The following KCNIP4 variants were observed in gnomAD, a reference collection of about 807,000 sequenced individuals.
The protein encoded by KCNIP4 is potassium voltage-gated channel interacting protein 4, also known as Kv channel-interacting protein 4.
In KCNIP4, 12 loss-of-function variants were observed where a neutral mutation model predicts 34.0. That is an observed-to-expected ratio of 0.35 (90% CI 0.23 to 0.57). The LOEUF (loss-of-function observed/expected upper bound fraction) is 0.57, where lower values mean the gene tolerates loss of function less well. KCNIP4 is among the 20% of genes least tolerant of loss of function. The pLI, the probability that KCNIP4 is intolerant of heterozygous loss-of-function variation, is 0.83. For missense variants in KCNIP4, 238 were observed against 311.7 expected, an observed-to-expected ratio of 0.76 and a Z score of 1.78; for synonymous variants, 124 against 102.2, an observed-to-expected ratio of 1.21 and a Z score of -1.29.
intron 1 of KCNIP4, among the ~76,000 whole-genome samples, chr4:21,416,089 A>G (rs1724932582): frequency 6.6e-6 from 1 of 152,258 alleles, no homozygotes; most frequent in African/African-American, 2.4e-5. Context: ...TAAGAAAAGC[A>G]GTTGCTTTAG....
At chr4:21,268,519 T>C (rs1040068585) in intron 1 of KCNIP4, among the ~76,000 whole-genome samples, 3 of 152,176 alleles carry the variant, frequency 2.0e-5, no homozygotes, top group African/African-American at 7.2e-5. Context: ...TTGCAGACAG[T>C]GTTCACTGAC....
At chr4:20,898,444 G>T (rs1726797379) in intron 1 of KCNIP4, among the ~76,000 whole-genome samples, 1 of 152,044 alleles carries the variant, frequency 6.6e-6, no homozygotes, top group South Asian at 2.1e-4. Flanking sequence ...TGAATGAAGG[G>T]GATATTATTA....
chr4:21,925,726 ACTTT>A (rs1729206473), intron 1 of KCNIP4, among the ~76,000 whole-genome samples: 1 of 152,128 alleles, frequency 6.6e-6, no homozygotes, highest in African/African-American at 2.4e-5. Flanking sequence ...ACAACCATGA[ACTTT>A]CTTTGGTAAT....
chr4:21,367,472 T>TCCACTGTAGAATAA (rs1578135561), intron 1 of KCNIP4, among the ~76,000 whole-genome samples: 1 of 148,494 alleles, frequency 6.7e-6, no homozygotes, highest in African/African-American at 2.6e-5. Flanking sequence ...AGACTCTACC[T>TCCACTGTAGAATAA]AACTGGACAT....
chr4:21,407,948 T>C (rs1170659369), intron 1 of KCNIP4, among the ~76,000 whole-genome samples: 1 of 152,186 alleles, frequency 6.6e-6, no homozygotes, highest in African/African-American at 2.4e-5. Context: ...TTGGCCAAAC[T>C]GATCAATATC....
chr4:21,328,152 A>G (rs1239871989), intron 1 of KCNIP4, among the ~76,000 whole-genome samples: 1 of 151,942 alleles, frequency 6.6e-6, no homozygotes, highest in Admixed American at 6.6e-5. Flanking sequence ...ACAGTTAGGT[A>G]TTTATTGTAG....
At chr4:21,229,043 G>T (rs1361505078) in intron 1 of KCNIP4, among the ~76,000 whole-genome samples, 2 of 152,124 alleles carry the variant, frequency 1.3e-5, no homozygotes, top group African/African-American at 2.4e-5. Flanking sequence ...GAATCCATTT[G>T]CAATGCTGCA....
At chr4:21,191,743 A>G (rs2109349454) in intron 1 of KCNIP4, among the ~76,000 whole-genome samples, 1 of 152,330 alleles carries the variant, frequency 6.6e-6, no homozygotes, top group Admixed American at 6.5e-5. Context: ...AGAAAGGCTG[A>G]GTTATTCCAA....
chr4:21,210,120 T>C (rs893737591), intron 1 of KCNIP4, among the ~76,000 whole-genome samples: 2 of 152,222 alleles, frequency 1.3e-5, no homozygotes. Context: ...AGGAAGCAAC[T>C]ATATTGCAGT....
In KCNIP4 at chr4:20,730,039, A is replaced by G. The variant is rs765980634; in HGVS notation, c.*43T>C. 8 of 1,587,456 alleles carry G rather than the reference A, an allele frequency of 5.0e-6. No homozygotes were observed. In the Admixed American group the frequency reaches 1.1e-4, roughly 22 times the overall value. ...TAGCTCCAACTTTAAGGGTGGTAGA[A>G]TAGTTCACATTTGTCTGTTGGATTC... On this transcript the variant is annotated 3_prime_UTR_variant, in exon 9 of 9. Coordinates refer to ENST00000382152, the MANE Select transcript of KCNIP4 (RefSeq NM_025221.6).
intron 1 of KCNIP4, among the ~76,000 whole-genome samples, chr4:21,535,216 A>T (rs189299769): frequency 9.2e-5 from 14 of 152,352 alleles, no homozygotes; most frequent in Non-Finnish European, 1.8e-4. Context: ...AAGTTTAAAG[A>T]GCCAAAATCT....
chr4:21,035,008 G>A (rs371073594), intron 1 of KCNIP4, among the ~76,000 whole-genome samples: 28 of 152,278 alleles, frequency 1.8e-4, no homozygotes, highest in African/African-American at 5.3e-4. Flanking sequence ...CAGCATGATT[G>A]ATAAGACAAC....
rs190459343 is a variant in KCNIP4 at position 21,774,714 on chromosome 4, C to A, written c.61+173857G>T. On this transcript the variant is annotated intron_variant, in intron 1 of 8. Transcript: ENST00000382152. ...AAGGTAGTCTTCAATCTCTGATATC[C>A]TTTCCTCCACTTGATCAATTCATCT... 2.6e-5 allele frequency among the ~76,000 whole-genome samples: 4 copies of A among 152,214 alleles called. No individual in the cohort carries two copies. The East Asian group carries it at 5.8e-4, about 22-fold the overall frequency.
intron 1 of KCNIP4, among the ~76,000 whole-genome samples, chr4:20,914,524 T>C (rs1728623339): frequency 6.6e-6 from 1 of 152,120 alleles, no homozygotes; most frequent in Non-Finnish European, 1.5e-5. Context: ...GGGAAATAAA[T>C]TTCTGTTGTT....
intron 1 of KCNIP4, among the ~76,000 whole-genome samples, chr4:21,418,093 ATAACT>A (rs1725129120): frequency 6.6e-6 from 1 of 152,142 alleles, no homozygotes; most frequent in African/African-American, 2.4e-5. Flanking sequence ...CTGTAGCCAG[ATAACT>A]TAAGTCTGAA....
intron 1 of KCNIP4, among the ~76,000 whole-genome samples, chr4:21,071,676 G>T (rs1577638927): frequency 6.6e-6 from 1 of 151,800 alleles, no homozygotes; most frequent in Admixed American, 6.6e-5. Flanking sequence ...AAGTTTTGGG[G>T]TACATGTGCA....
intron 7 of KCNIP4, 46 bp downstream of exon 7, chr4:20,732,635 T>C (rs755003603): frequency 7.8e-7 from 1 of 1,276,698 alleles, no homozygotes; most frequent in African/African-American, 1.5e-5. Flanking sequence ...CATCAGGAAA[T>C]TTTCTCCTAA....
At chr4:21,320,783 C>T (rs981927099) in intron 1 of KCNIP4, among the ~76,000 whole-genome samples, 1 of 151,872 alleles carries the variant, frequency 6.6e-6, no homozygotes, top group African/African-American at 2.4e-5. Context: ...CCAGCCTGGC[C>T]AACATGGCGA....
chr4:20,934,932 C>A (rs13126921), intron 1 of KCNIP4, among the ~76,000 whole-genome samples: 22,678 of 152,170 alleles, frequency 0.15, 2,269 homozygotes, highest in Non-Finnish European at 0.22. Context: ...GAAAATTATT[C>A]TTTGCCTCTT....
Sources: gnomAD v4.1 joint callset for allele counts (sites outside exome capture counted in the v4.1 genomes callset) on GRCh38, gnomAD v4.1.1 for gene constraint, MANE v1.5 for transcripts, NCBI Gene and HGNC (gene_info 2026-07-23, HGNC 2026-07-21) for gene names.